The following PTCH2 variants were observed in gnomAD, a reference collection of about 807,000 sequenced individuals.
PTCH2 encodes patched 2, also known as protein patched homolog 2.
PTCH2 carries 96 observed loss-of-function variants against 117.9 expected under a neutral mutation model. The observed-to-expected ratio is 0.81, with a 90% CI of 0.69 to 0.96. The LOEUF (loss-of-function observed/expected upper bound fraction) is 0.96, where lower values mean the gene tolerates loss of function less well. Among genes scored for constraint, PTCH2 ranks in the 50% least tolerant of loss-of-function variants. The pLI, the probability that PTCH2 is intolerant of heterozygous loss-of-function variation, is 0.00. For synonymous variants in PTCH2, 615 were observed against 660.9 expected, an observed-to-expected ratio of 0.93 and a Z score of 1.06; for missense variants, 1,379 against 1,562.5, an observed-to-expected ratio of 0.88 and a Z score of 1.98.
At position 44,826,957 on chromosome 1, in the gene PTCH2, G is replaced by A. The variant is rs560873168; in HGVS notation, c.2640C>T (p.Pro880=). 57 of 1,613,978 alleles carry A rather than the reference G, an allele frequency of 3.5e-5. No homozygotes were observed. Among genetic ancestry groups the A allele is most frequent in the Admixed American group, 1.0e-4 (6 of 60,006 alleles). Residue 880 remains proline, a synonymous_variant, in exon 17 of 22, where the codon CCC becomes CCT. Transcript: ENST00000372192. The surrounding 1 kb of genome is among the most constrained non-coding windows in gnomAD (Gnocchi z 5.1). Reference sequence around the variant, plus strand: ...TGTCGTGCAGCCATTCAGGAGGTGGGGGGTAGAAGTTGGCCTGTGAGGCTG... The same window carrying A: ...TGTCGTGCAGCCATTCAGGAGGTGGAGGGTAGAAGTTGGCCTGTGAGGCTG... ...GLAASQANFY[P]PPPEWLHDKY...
Position 44,831,792 on chromosome 1 carries a change from A to G in PTCH2, c.531T>C (p.Ile177=), listed in dbSNP as rs1212499757. 2.5e-6 allele frequency: 4 copies of G among 1,606,964 alleles called. No individual in the cohort carries two copies. Among genetic ancestry groups the G allele is most frequent in the African/African-American group, 2.7e-5 (2 of 74,730 alleles). Residue 177 remains isoleucine (I), a synonymous_variant, in exon 5 of 22, where the codon ATT becomes ATC. Transcript: ENST00000372192. This position sits in a 1 kb window ranked among gnomAD's most constrained non-coding sequence, Gnocchi z 4.3. ...LIENGMIERM[I]EKLFPCVILT... ...GGATCACGCACGGAAACAGCTTCTC[A>G]ATCATCTGCCAGGGATACCCCGGGC...
rs771760736 is a variant in PTCH2, at chr1:44,841,891, C to T, written c.221G>A (p.Arg74His). Residue 74 changes from arginine to histidine, a missense_variant, in exon 2 of 22, where the codon CGC becomes CAC. Arg to His is a conservative substitution (Grantham distance 29). Coordinates refer to ENST00000372192, the MANE Select transcript of PTCH2 (RefSeq NM_003738.5). ...LAFGALALGLRMAIIETNLEQ... is the reference protein window; with the variant it reads ...LAFGALALGLHMAIIETNLEQ... The stretch of plus-strand genomic sequence containing the variant: ...CAAGTTTGTCTCAATAATGGCCATG[C>T]GGAGACCTAATGCCAGGGCCCCAAA... The T allele has an allele frequency of 5.6e-5, 90 of 1,614,062 alleles. 1 individual carries two copies. The East Asian group carries it at 1.5e-3, about 27-fold the overall frequency.
chr1:44,825,181 G>A (rs1339515416), intron 19 of PTCH2, among the ~76,000 whole-genome samples: 1 of 151,888 alleles, frequency 6.6e-6, no homozygotes, highest in African/African-American at 2.4e-5. Flanking sequence ...CGGTCTCCCA[G>A]GCTGGAGTGC....
Position 44,839,077 on chromosome 1 carries a change from C to G in PTCH2, c.265+2770G>C, listed in dbSNP as rs1393570440. Among the ~76,000 whole-genome samples, 8 of 150,830 alleles carry G rather than the reference C, an allele frequency of 5.3e-5. No individual in the cohort carries two copies. The South Asian group carries it at 1.1e-3, about 20-fold the overall frequency. ...TGGGTCTCACAGTGAGACTCCATCT[C>G]TATGAAAAAAAAGATTGGCCTAGCG... On this transcript the variant is annotated intron_variant, in intron 2 of 21. Coordinates refer to ENST00000372192, the MANE Select transcript of PTCH2 (RefSeq NM_003738.5).
At position 44,831,615 on chromosome 1, in the gene PTCH2, G is replaced by A. The variant is rs1304102042; in HGVS notation, c.617+91C>T. The A allele has an allele frequency of 1.5e-6, 2 of 1,309,956 alleles. No homozygotes were observed. The highest frequency in any genetic ancestry group is 2.5e-5 in the South Asian group (2 of 79,244). The allele number at this position is 1,309,956 out of a possible 1,614,324, so 81.1% of individuals were successfully genotyped here. A position where few individuals can be genotyped will look rare whatever the true frequency, so the allele number is the denominator to read the frequency against. On this transcript the variant is annotated intron_variant, in intron 5 of 21. Transcript: ENST00000372192. The surrounding 1 kb of genome is among the most constrained non-coding windows in gnomAD (Gnocchi z 4.3). ...TGGGAGGTAATTAGGACCTTGGTAAGGTTTTGATCATCCTCATTCCCCAGA... is the reference window on the plus strand; with the variant it reads ...TGGGAGGTAATTAGGACCTTGGTAAAGTTTTGATCATCCTCATTCCCCAGA...
Position 44,827,590 on chromosome 1 carries a change from C to T in PTCH2, c.2183G>A (p.Ser728Asn). 1.9e-6 allele frequency: 3 copies of T among 1,614,074 alleles called. No homozygotes were observed. The highest frequency in any genetic ancestry group is 2.5e-6 in the Non-Finnish European group (3 of 1,180,020). Residue 728 changes from serine to asparagine, a missense_variant, in exon 15 of 22, where the codon AGC (serine) becomes AAC (asparagine). Transcript: ENST00000372192. ...PRGTKEHAFL[S>N]AQLRYFSLYE... ...CAGGGAGAAGTACCTGAGCTGGGCGCTCAGGAAGGCATGCTCCTTGGTGCC... is the reference window on the plus strand; with the variant it reads ...CAGGGAGAAGTACCTGAGCTGGGCGTTCAGGAAGGCATGCTCCTTGGTGCC...
intron 2 of PTCH2, among the ~76,000 whole-genome samples, chr1:44,834,066 CT>C (rs1166536705): frequency 6.6e-6 from 1 of 152,060 alleles, no homozygotes; most frequent in African/African-American, 2.4e-5. Flanking sequence ...CATTCCTGGC[CT>C]TCACCTCATG....
At chr1:44,821,346 G>A (rs1197145212), downstream of PTCH2, among the ~76,000 whole-genome samples, 1 of 152,142 alleles carries the variant, frequency 6.6e-6, no homozygotes, top group African/African-American at 2.4e-5. Flanking sequence ...AGCAGTTCCC[G>A]CAACTGATCC....
intron 1 of PTCH2, among the ~76,000 whole-genome samples, 175 bp from the exon 2 acceptor site, chr1:44,842,214 C>G (rs911275989): frequency 6.6e-6 from 1 of 152,112 alleles, no homozygotes; most frequent in African/African-American, 2.4e-5. Flanking sequence ...CCACCATCCC[C>G]AGCACACACC....
chr1:44,820,592 G>A, downstream of PTCH2: 1 of 683,986 alleles, frequency 1.5e-6, no homozygotes, highest in South Asian at 1.6e-5. Context: ...AGAGGGAATG[G>A]CGTATGAGAA....
In PTCH2 at chr1:44,822,406, G is replaced by A. The variant is rs1363719775; in HGVS notation, c.*9C>T. On this transcript the variant is annotated 3_prime_UTR_variant, in exon 22 of 22. Transcript: ENST00000372192. ...CCCCACACATGGTCTCTGTGCTTCA[G>A]CTGCTCTTTCACCCAGTGGCTGGAC... The A allele has an allele frequency of 6.2e-7, 1 of 1,613,544 alleles. No individual in the cohort carries two copies.
At position 44,823,299 on chromosome 1, in the gene PTCH2, G is replaced by C; in HGVS notation, c.3201C>G (p.Ile1067Met). ...GCATGAGCAGACCCAGCAATGTGGAGATGGCCCCATCGGTCACGGGGGCAA... is the reference window on the plus strand; with the variant it reads ...GCATGAGCAGACCCAGCAATGTGGACATGGCCCCATCGGTCACGGGGGCAA... ...HTFAPVTDGA[I>M]STLLGLLMLA... Residue 1067 changes from isoleucine to methionine, a missense_variant, in exon 20 of 22, where the codon ATC (isoleucine) becomes ATG (methionine). By Grantham distance (10) the Ile-to-Met change is conservative (BLOSUM62 1). Transcript: ENST00000372192. The surrounding 1 kb of genome is among the most constrained non-coding windows in gnomAD (Gnocchi z 5.1). The C allele has an allele frequency of 6.2e-7, 1 of 1,614,222 alleles. No individual in the cohort carries two copies. Among genetic ancestry groups the C allele is most frequent in the Non-Finnish European group, 8.5e-7 (1 of 1,180,048 alleles).
Position 44,842,926 on chromosome 1 carries a change from G to A in PTCH2, c.7C>T (p.Arg3Ter), listed in dbSNP as rs1060502263. The change falls in exon 1 of 22, where the codon CGA becomes TGA. Residue 3 changes from arginine to a stop codon, truncating the protein, a stop_gained. Coordinates refer to ENST00000372192, the MANE Select transcript of PTCH2 (RefSeq NM_003738.5). LOFTEE classifies it high-confidence loss of function. ...GGCAGCTCTCTGAGGGGCGGCGATCGAGTCATGCTGGCGGGGATGGGGGGC... is the reference window on the plus strand; with the variant it reads ...GGCAGCTCTCTGAGGGGCGGCGATCAAGTCATGCTGGCGGGGATGGGGGGC... MT[R>*]SPPLRELPPS... 6 of 1,546,114 alleles carry A rather than the reference G, an allele frequency of 3.9e-6. No homozygotes were observed. The highest frequency in any genetic ancestry group is 5.2e-6 in the Non-Finnish European group (6 of 1,144,914).
At position 44,828,050 on chromosome 1, in the gene PTCH2, C is replaced by G; in HGVS notation, c.1851G>C (p.Leu617=). The change falls in exon 14 of 22, where the codon CTG becomes CTC. Residue 617 remains leucine, a synonymous_variant. Coordinates refer to ENST00000372192, the MANE Select transcript of PTCH2 (RefSeq NM_003738.5). ...EASSQHVVTI[L]PPQAHLVPPP... ...GGGGCACCAGGTGGGCTTGGGGAGG[C>G]AGGATGGTGACCACATGCTGGCTGC... The G allele has an allele frequency of 6.2e-7, 1 of 1,614,126 alleles. No homozygotes were observed. Among genetic ancestry groups the G allele is most frequent in the Non-Finnish European group, 8.5e-7 (1 of 1,179,992 alleles).
rs2148874605 is a variant in PTCH2, at chr1:44,826,931, T to TCCCCTGAA, written c.2665_2666insTTCAGGGG (p.Lys889IlefsTer107). 1 of 1,613,996 alleles carries TCCCCTGAA rather than the reference T, an allele frequency of 6.2e-7. No homozygotes were observed. Among genetic ancestry groups the TCCCCTGAA allele is most frequent in the East Asian group, 2.2e-5 (1 of 44,872 alleles). On this transcript the variant is annotated frameshift_variant, in exon 17 of 22. Transcript: ENST00000372192. LOFTEE classifies it high-confidence loss of function. The surrounding 1 kb of genome is among the most constrained non-coding windows in gnomAD (Gnocchi z 5.1). ...AAGGTTCTCCCCCGTGGTGTCGTATTTGTCGTGCAGCCATTCAGGAGGTGG... is the reference window on the plus strand; with the variant it reads ...AAGGTTCTCCCCCGTGGTGTCGTATTCCCCTGAATGTCGTGCAGCCATTCAGGAGGTGG...
chr1:44,824,902 G>T (rs947209120), intron 19 of PTCH2, among the ~76,000 whole-genome samples: 5 of 151,460 alleles, frequency 3.3e-5, no homozygotes, highest in African/African-American at 1.2e-4. Flanking sequence ...TGAACTCCTG[G>T]CTCAAGCAAT....
rs746847472 is a variant in PTCH2 at position 44,827,541 on chromosome 1, C to G, written c.2232G>C (p.Gln744His). The change falls in exon 15 of 22, where the codon CAG becomes CAC. Residue 744 changes from glutamine (Q) to histidine (H), a missense_variant. Gln to His is a conservative substitution (Grantham distance 24). Transcript: ENST00000372192. ...FSLYEVALVT[Q>H]GGFDYAHSQR... The stretch of plus-strand genomic sequence containing the variant: ...GGGAGTGGGCGTAGTCAAAGCCACC[C>G]TGGGTCACCAGGGCCACCTCGTACA... 6.2e-7 allele frequency: 1 copy of G among 1,614,134 alleles called. No homozygotes were observed. The highest frequency in any genetic ancestry group is 8.5e-7 in the Non-Finnish European group (1 of 1,180,012).
chr1:44,831,734 T>A lies in PTCH2; in HGVS notation c.589A>T (p.Lys197Ter). 6.4e-7 allele frequency: 1 copy of A among 1,569,832 alleles called. No individual in the cohort carries two copies. The part of the protein sequence containing the change: ...TPLDCFWEGA[K>*]LQGGSAYLPG... Reference sequence around the variant, plus strand: ...AGGTAGGCGGAGCCCCCTTGGAGTTTGGCTCCCTCCCAGAAGCAGTCGAGG... The same window carrying A: ...AGGTAGGCGGAGCCCCCTTGGAGTTAGGCTCCCTCCCAGAAGCAGTCGAGG... Residue 197 changes from lysine (K) to a stop codon, truncating the protein, a stop_gained, in exon 5 of 22, where the codon AAA (lysine) becomes TAA (stop). Transcript: ENST00000372192. LOFTEE classifies it high-confidence loss of function. This position sits in a 1 kb window ranked among gnomAD's most constrained non-coding sequence, Gnocchi z 4.3.
In PTCH2 at chr1:44,828,339, G is replaced by A. The variant is rs763426183; in HGVS notation, c.1666C>T (p.Arg556Trp). 26 of 1,614,086 alleles carry A rather than the reference G, an allele frequency of 1.6e-5. No homozygotes were observed. Among genetic ancestry groups the A allele is most frequent in the African/African-American group, 8.0e-5 (6 of 75,064 alleles). Residue 556 changes from arginine (R) to tryptophan (W), a missense_variant, in exon 13 of 22, where the codon CGG becomes TGG. Physicochemically the swap from Arg to Trp is moderately radical, Grantham distance 101 (BLOSUM62 -3). Transcript: ENST00000372192. ...FPAILSLDLR[R>W]RHCQRLDVLC... ...ACATCAAGGCGCTGGCAGTGGCGCC[G>A]CCGTAGGTCCAGGCTGAGGATGGCT...
Sources: gnomAD v4.1 joint callset for allele counts (sites outside exome capture counted in the v4.1 genomes callset) on GRCh38, gnomAD v4.1.1 for gene constraint, Gnocchi (gnomAD v3.1) non-coding constraint, MANE v1.5 for transcripts, NCBI Gene and HGNC (gene_info 2026-07-23, HGNC 2026-07-21) for gene names.